Variants in THBS2 observed in about 807,000 individuals in gnomAD.
THBS2 encodes thrombospondin-2.
Under a neutral mutation model 135.2 loss-of-function variants are expected in THBS2, and 47 were observed. The observed-to-expected ratio is 0.35, with a 90% CI of 0.28 to 0.44. The LOEUF (loss-of-function observed/expected upper bound fraction) is 0.44. THBS2 is among the 20% of genes least tolerant of loss of function. The probability of loss-of-function intolerance (pLI) is 1.00; values close to 1 mark genes in which losing one functional copy is unlikely to be tolerated. For missense variants in THBS2, 1,288 were observed against 1,603.1 expected, an observed-to-expected ratio of 0.80 and a Z score of 3.36; for synonymous variants, 639 against 633.8, an observed-to-expected ratio of 1.01 and a Z score of -0.12.
intron 2 of THBS2, among the ~76,000 whole-genome samples, 188 bp from the exon 3 acceptor site, chr6:169,249,161 C>T (rs1780672545): frequency 1.3e-5 from 2 of 152,198 alleles, no homozygotes; most frequent in African/African-American, 4.8e-5. Context: ...ATCCTCCGTG[C>T]CAGTGCCGCT....
In THBS2 at chr6:169,223,458, T is replaced by C; in HGVS notation, c.2791A>G (p.Ile931Val). 1 of 1,614,044 alleles carries C rather than the reference T, an allele frequency of 6.2e-7. No homozygotes were observed. Among genetic ancestry groups the C allele is most frequent in the Non-Finnish European group, 8.5e-7 (1 of 1,180,022 alleles). The change falls in exon 18 of 22, where the codon ATT becomes GTT. Residue 931 changes from isoleucine (I) to valine (V), a missense_variant. Physicochemically the swap from Ile to Val is conservative, Grantham distance 29 (BLOSUM62 3). Coordinates refer to ENST00000617924, the MANE Select transcript of THBS2 (RefSeq NM_003247.5). The part of the protein sequence containing the change: ...EDLDGDGRGD[I>V]CKDDFDNDNI... ...TCATTGTCAAAATCATCTTTACAAA[T>C]ATCACCCCGTCCATCACCTATGCAC...
chr6:169,245,705 T>C (rs1780530613), intron 4 of THBS2, among the ~76,000 whole-genome samples: 1 of 145,722 alleles, frequency 6.9e-6, no homozygotes, highest in Non-Finnish European at 1.5e-5. Context: ...GGCAGAAGAG[T>C]GGCGTGAACC....
At chr6:169,236,602 T>TCC (rs1780093240) in intron 9 of THBS2, among the ~76,000 whole-genome samples, 2 of 86,132 alleles carry the variant, frequency 2.3e-5, no homozygotes, top group East Asian at 3.8e-4. Flanking sequence ...CCACACTCAT[T>TCC]CCCATCCACA....
chr6:169,243,538 G>T (rs780208163), intron 4 of THBS2, among the ~76,000 whole-genome samples: 1 of 152,184 alleles, frequency 6.6e-6, no homozygotes, highest in Non-Finnish European at 1.5e-5. Context: ...TAATCACTTG[G>T]TTATAAACTG....
chr6:169,226,920 G>C (rs922181888), intron 15 of THBS2, among the ~76,000 whole-genome samples: 42 of 152,322 alleles, frequency 2.8e-4, no homozygotes, highest in Middle Eastern at 3.4e-3. Flanking sequence ...GTCAGGTGAG[G>C]TCTGGAGAAG....
At chr6:169,242,783 TTCCCACCAC>T (rs1780381856) in intron 4 of THBS2, among the ~76,000 whole-genome samples, 2 of 113,642 alleles carry the variant, frequency 1.8e-5, no homozygotes, top group Non-Finnish European at 3.7e-5. Context: ...TCTTCCCACC[TTCCCACCAC>T]TCCCACCTTC....
At chr6:169,246,086 TA>T in intron 4 of THBS2, 110 bp downstream of exon 4, 1 of 850,250 alleles carries the variant, frequency 1.2e-6, no homozygotes, top group South Asian at 2.2e-5. Context: ...TATTTTTACT[TA>T]AATTTTTACA....
intron 10 of THBS2, among the ~76,000 whole-genome samples, chr6:169,233,894 C>T (rs146207322): frequency 6.6e-5 from 10 of 150,596 alleles, no homozygotes; most frequent in Non-Finnish European, 1.3e-4. Flanking sequence ...ATGCCACATT[C>T]TAGACCACAC....
chr6:169,233,060 G>A (rs1307161496), intron 10 of THBS2, 43 bp from the exon 11 acceptor site: 3 of 1,476,502 alleles, frequency 2.0e-6, no homozygotes, highest in East Asian at 2.5e-5. Flanking sequence ...CGCGCCCTGC[G>A]CAGCACAGAA....
At chr6:169,243,965 A>C (rs1363315041) in intron 4 of THBS2, among the ~76,000 whole-genome samples, 2 of 152,142 alleles carry the variant, frequency 1.3e-5, no homozygotes, top group Non-Finnish European at 2.9e-5. Context: ...TATAAGACCA[A>C]TTTTCCTTAA....
intron 17 of THBS2, among the ~76,000 whole-genome samples, chr6:169,224,555 G>C (rs1442265531): frequency 6.6e-6 from 1 of 152,220 alleles, no homozygotes; most frequent in Non-Finnish European, 1.5e-5. Flanking sequence ...CCCACTCCAA[G>C]TGAGGGCCAC....
intron 17 of THBS2, among the ~76,000 whole-genome samples, chr6:169,224,533 T>C (rs1300583193): frequency 6.6e-6 from 1 of 152,192 alleles, no homozygotes; most frequent in Non-Finnish European, 1.5e-5. Flanking sequence ...AGAGAGCCTG[T>C]GTCAGCCAGG....
Position 169,231,977 on chromosome 6 carries a change from C to T in THBS2, c.2151+3G>A, listed in dbSNP as rs1779853069. On this transcript the variant is annotated splice_donor_region_variant and intron_variant, in intron 13 of 21. Transcript: ENST00000617924. ...CGTGTGCCCTGCGAGCCCCGCGCCT[C>T]ACCTTGATGCAGTGGTAGGTGGCGT... 1 of 1,613,576 alleles carries T rather than the reference C, an allele frequency of 6.2e-7. No homozygotes were observed. The highest frequency in any genetic ancestry group is 1.3e-5 in the African/African-American group (1 of 75,036).
intron 7 of THBS2, 139 bp from the exon 8 acceptor site, chr6:169,237,934 G>A (rs1267170545): frequency 1.8e-5 from 20 of 1,130,642 alleles, no homozygotes; most frequent in Non-Finnish European, 2.4e-5. Context: ...GGCTGGGGCA[G>A]GTGGACATCC....
At position 169,232,072 on chromosome 6, in the gene THBS2, C is replaced by G; in HGVS notation, c.2059G>C (p.Asp687His). 2.5e-6 allele frequency: 4 copies of G among 1,614,122 alleles called. No homozygotes were observed. The highest frequency in any genetic ancestry group is 3.4e-6 in the Non-Finnish European group (4 of 1,179,982). The change falls in exon 13 of 22, where the codon GAC (aspartate) becomes CAC (histidine). Residue 687 changes from aspartate (D) to histidine (H), a missense_variant. This residue lies in a region of THBS2 where 874 missense variants were observed against 1,156.1 expected (regional missense o/e 0.76). Coordinates refer to ENST00000617924, the MANE Select transcript of THBS2 (RefSeq NM_003247.5). ...KCECQTGYAG[D>H]GLICGEDSDL... is the part of the protein sequence containing the mutation. ...GAGTCCTCCCCGCAGATGAGCCCGT[C>G]GCCCGCGTAGCCTGTCTGGCACTCG...
chr6:169,245,568 A>G lies in THBS2; in HGVS notation c.694+629T>C, dbSNP rs139989041. ...AGCACTTTGGGAGGCCAAGGTGGGC[A>G]GATCACGAGGTCAGGAGATCGAGAC... On this transcript the variant is annotated intron_variant, in intron 4 of 21. Transcript: ENST00000617924. Among the ~76,000 whole-genome samples the G allele has an allele frequency of 4.5e-3, 681 of 152,248 alleles. 5 individuals are homozygous for G. Among genetic ancestry groups the G allele is most frequent in the South Asian group, 0.017 (80 of 4,824 alleles).
At chr6:169,233,794 C>A (rs1404492886) in intron 10 of THBS2, among the ~76,000 whole-genome samples, 1 of 149,404 alleles carries the variant, frequency 6.7e-6, no homozygotes. Context: ...CTACCATGTG[C>A]CACATTCCAG....
In THBS2 at chr6:169,216,435, A is replaced by AAAC. The variant is rs1779174621; in HGVS notation, c.*1384_*1386dup. 6.6e-6 allele frequency: 1 copy of AAAC among 152,166 alleles called. No homozygotes were observed. The highest frequency in any genetic ancestry group is 6.6e-5 in the Admixed American group (1 of 15,264). 9.4% of individuals were successfully genotyped at this position (152,166 alleles called of 1,614,324 possible). ...AAAAAAACAAACCAACCAACAAAAAAAACAAAAACAAAAACAAACTTGTGC... is the reference window on the plus strand; with the variant it reads ...AAAAAAACAAACCAACCAACAAAAAAAACAACAAAAACAAAAACAAACTTGTGC... On this transcript the variant is annotated 3_prime_UTR_variant, in exon 22 of 22. Transcript: ENST00000617924.
chr6:169,232,858 G>C, intron 11 of THBS2, 32 bp downstream of exon 11: 1 of 1,606,246 alleles, frequency 6.2e-7, no homozygotes, highest in Non-Finnish European at 8.5e-7. Flanking sequence ...CCCGACCTCA[G>C]GGCGCCCACA....
Sources: gnomAD v4.1 joint callset for allele counts (sites outside exome capture counted in the v4.1 genomes callset) on GRCh38, gnomAD v4.1.1 for gene constraint, gnomAD v4.1.1 regional missense constraint, MANE v1.5 for transcripts, NCBI Gene and HGNC (gene_info 2026-07-23, HGNC 2026-07-21) for gene names.